The following THSD7A variants were observed in gnomAD, a reference collection of about 807,000 sequenced individuals.
The protein encoded by THSD7A is thrombospondin type 1 domain containing 7A, also known as thrombospondin type-1 domain-containing protein 7A.
Under a neutral mutation model 231.3 loss-of-function variants are expected in THSD7A, and 96 were observed. The ratio of observed to expected loss-of-function variants is 0.41; its 90% confidence interval spans 0.35 to 0.49. The LOEUF (loss-of-function observed/expected upper bound fraction) is 0.49, where lower values mean the gene tolerates loss of function less well. Among genes scored for constraint, THSD7A ranks in the 20% least tolerant of loss-of-function variants. The probability of loss-of-function intolerance (pLI) is 0.05; values close to 1 mark genes in which losing one functional copy is unlikely to be tolerated. For missense variants in THSD7A, 2,290 were observed against 2,070.2 expected (o/e 1.11, Z -2.06); for synonymous variants, 940 against 743.3 (o/e 1.26, Z -4.30).
chr7:11,418,308 G>A (rs1014156686), intron 16 of THSD7A, among the ~76,000 whole-genome samples: 26 of 152,222 alleles, frequency 1.7e-4, no homozygotes, highest in African/African-American at 6.0e-4. Context: ...TTGTTAGTTT[G>A]TGTTCCATTT....
rs62434524 is a variant in THSD7A, at chr7:11,580,849, C to T, written c.1453+9611G>A. ...AACAAACCCCCATGACACAAGCTTA[C>T]CTATGTAAATGAACCTGCACTTGTA... On this transcript the variant is annotated intron_variant, in intron 4 of 27. Transcript: ENST00000423059. Among the ~76,000 whole-genome samples, 1,420 of 152,124 alleles carry T rather than the reference C, an allele frequency of 9.3e-3. 4 individuals are homozygous for T. Among genetic ancestry groups the T allele is most frequent in the Middle Eastern group, 0.027 (8 of 294 alleles).
At chr7:11,641,269 T>C (rs563358051) in intron 1 of THSD7A, among the ~76,000 whole-genome samples, 2 of 152,252 alleles carry the variant, frequency 1.3e-5, no homozygotes, top group African/African-American at 2.4e-5. Context: ...TTACATTCCA[T>C]GGTTTGAACA....
intron 11 of THSD7A, among the ~76,000 whole-genome samples, chr7:11,458,991 C>CA (rs1402198736): frequency 4.6e-5 from 7 of 152,148 alleles, no homozygotes; most frequent in Non-Finnish European, 1.0e-4. Flanking sequence ...CAAGGTTGTG[C>CA]AGCTTATACG....
chr7:11,783,477 T>C (rs1458562160), intron 1 of THSD7A, among the ~76,000 whole-genome samples: 2 of 152,166 alleles, frequency 1.3e-5, no homozygotes, highest in Non-Finnish European at 2.9e-5. Context: ...CAGAACCATA[T>C]GTATACCATT....
chr7:11,507,952 A>G (rs974605261), intron 6 of THSD7A, among the ~76,000 whole-genome samples: 4 of 152,222 alleles, frequency 2.6e-5, no homozygotes, highest in African/African-American at 9.6e-5. Flanking sequence ...ACAGTTCTGC[A>G]TGGCAAGGGA....
rs1005227071 is a variant in THSD7A, at chr7:11,789,924, T to A, written c.190+41833A>T. ...ATGATATGGACTTCCGTGTCTCCAATTTTGTGTTCTAACTGTCTTCTGGAG... is the reference window on the plus strand; with the variant it reads ...ATGATATGGACTTCCGTGTCTCCAAATTTGTGTTCTAACTGTCTTCTGGAG... On this transcript the variant is annotated intron_variant, in intron 1 of 27. Transcript: ENST00000423059. Among the ~76,000 whole-genome samples, 32 of 151,984 alleles carry A rather than the reference T, an allele frequency of 2.1e-4. 1 individual carries two copies. The highest frequency in any genetic ancestry group is 1.0e-4 in the Non-Finnish European group (7 of 67,968).
chr7:11,527,500 T>C (rs954967140), intron 6 of THSD7A, among the ~76,000 whole-genome samples: 1 of 152,202 alleles, frequency 6.6e-6, no homozygotes, highest in African/African-American at 2.4e-5. Flanking sequence ...TAACATCACA[T>C]GCTCTACAAA....
chr7:11,392,135 C>G (rs182652460), intron 23 of THSD7A, among the ~76,000 whole-genome samples: 5 of 152,224 alleles, frequency 3.3e-5, no homozygotes, highest in African/African-American at 1.2e-4. Context: ...TGCCAGCCTG[C>G]AGCTTCCAGT....
chr7:11,692,670 T>G (rs890179936), intron 1 of THSD7A, among the ~76,000 whole-genome samples: 1 of 151,534 alleles, frequency 6.6e-6, no homozygotes, highest in East Asian at 2.0e-4. Context: ...GCAAATTAGT[T>G]TAAATATAAT....
chr7:11,592,158 T>C (rs1026933479), intron 3 of THSD7A, among the ~76,000 whole-genome samples: 3 of 152,150 alleles, frequency 2.0e-5, no homozygotes, highest in South Asian at 2.1e-4. Context: ...GGCAGAGACA[T>C]TGGGGAGGAA....
chr7:11,568,073 T>C (rs531382484), intron 4 of THSD7A, among the ~76,000 whole-genome samples: 6 of 152,342 alleles, frequency 3.9e-5, no homozygotes, highest in Non-Finnish European at 7.3e-5. Context: ...CCTATCGTTA[T>C]TCTTTCGTGA....
chr7:11,673,034 C>T (rs1057264965), intron 1 of THSD7A, among the ~76,000 whole-genome samples: 1 of 152,052 alleles, frequency 6.6e-6, no homozygotes, highest in African/African-American at 2.4e-5. Context: ...CAGAGAGGCA[C>T]CAAAATATTG....
intron 16 of THSD7A, among the ~76,000 whole-genome samples, chr7:11,420,047 C>T (rs1014176715): frequency 2.6e-5 from 4 of 152,114 alleles, no homozygotes; most frequent in Non-Finnish European, 4.4e-5. Flanking sequence ...CAAACTGGAA[C>T]TTATATTTAA....
intron 1 of THSD7A, among the ~76,000 whole-genome samples, chr7:11,735,007 T>G (rs1030797936): frequency 6.6e-6 from 1 of 151,962 alleles, no homozygotes; most frequent in Non-Finnish European, 1.5e-5. Context: ...GTAACATTTT[T>G]CTGTAAGAAC....
rs537622950 is a variant in THSD7A, at chr7:11,814,274, C to T, written c.190+17483G>A. On this transcript the variant is annotated intron_variant, in intron 1 of 27. Coordinates refer to ENST00000423059, the MANE Select transcript of THSD7A (RefSeq NM_015204.3). This position sits in a 1 kb window ranked among gnomAD's most constrained non-coding sequence, Gnocchi z 5.1. ...GCTTTAAATGGGTGATTGCATGCTA[C>T]GTGCATTCTATCAAATAAAGCTGTT... 1.3e-5 allele frequency among the ~76,000 whole-genome samples: 2 copies of T among 152,226 alleles called. No individual in the cohort carries two copies. The highest frequency in any genetic ancestry group is 1.9e-4 in the East Asian group (1 of 5,180).
At chr7:11,518,551 C>T (rs1298401343) in intron 6 of THSD7A, among the ~76,000 whole-genome samples, 1 of 151,668 alleles carries the variant, frequency 6.6e-6, no homozygotes, top group Non-Finnish European at 1.5e-5. Flanking sequence ...GAATTCTTTT[C>T]CTGAAAAAGT....
At chr7:11,624,829 G>C (rs752431205) in intron 2 of THSD7A, among the ~76,000 whole-genome samples, 9 of 152,078 alleles carry the variant, frequency 5.9e-5, no homozygotes, top group Non-Finnish European at 2.9e-5. Flanking sequence ...AGACATCAAA[G>C]TTAGGGATAA....
intron 16 of THSD7A, among the ~76,000 whole-genome samples, chr7:11,420,798 C>T (rs1008901020): frequency 3.3e-5 from 5 of 152,138 alleles, no homozygotes; most frequent in Admixed American, 6.5e-5. Context: ...CCACAGGGGT[C>T]GAGCTGCCCA....
chr7:11,678,780 C>A (rs1783748543), intron 1 of THSD7A, among the ~76,000 whole-genome samples: 1 of 152,128 alleles, frequency 6.6e-6, no homozygotes, highest in Non-Finnish European at 1.5e-5. Flanking sequence ...CAAAGAGGAG[C>A]TGGTACCATT....
Sources: gnomAD v4.1 joint callset for allele counts (sites outside exome capture counted in the v4.1 genomes callset) on GRCh38, gnomAD v4.1.1 for gene constraint, Gnocchi (gnomAD v3.1) non-coding constraint, MANE v1.5 for transcripts, NCBI Gene and HGNC (gene_info 2026-07-23, HGNC 2026-07-21) for gene names.